The following SERINC5 variants were observed in gnomAD, a reference collection of about 807,000 sequenced individuals.
SERINC5 encodes serine incorporator 5.
In SERINC5, 41 loss-of-function variants were observed where a neutral mutation model predicts 63.1. That is an observed-to-expected ratio of 0.65 (90% CI 0.51 to 0.84). The LOEUF (loss-of-function observed/expected upper bound fraction) is 0.84, where lower values mean the gene tolerates loss of function less well. SERINC5 is among the 40% of genes least tolerant of loss of function. SERINC5 has a pLI of 0.00. For synonymous variants in SERINC5, 222 were observed against 215.2 expected (o/e 1.03, Z -0.28); for missense variants, 523 against 573.0 (o/e 0.91, Z 0.89).
intron 3 of SERINC5, 82 bp downstream of exon 3, chr5:80,177,804 C>T: frequency 9.3e-7 from 1 of 1,076,382 alleles, no homozygotes; most frequent in Non-Finnish European, 1.3e-6. Flanking sequence ...GTCACAGTGT[C>T]TGGTGGGCAG....
At chr5:80,219,800 A>G (rs1750818483) in intron 1 of SERINC5, among the ~76,000 whole-genome samples, 1 of 152,216 alleles carries the variant, frequency 6.6e-6, no homozygotes. Context: ...TATTTCTTCT[A>G]TCATCAACAG....
At chr5:80,171,352 C>CA (rs1169641268) in intron 5 of SERINC5, among the ~76,000 whole-genome samples, 1 of 152,046 alleles carries the variant, frequency 6.6e-6, no homozygotes, top group Non-Finnish European at 1.5e-5. Context: ...AAAACAGAAA[C>CA]AAAGTGTTGC....
intron 5 of SERINC5, 127 bp from the exon 6 acceptor site, chr5:80,169,673 C>T: frequency 1.5e-6 from 1 of 669,350 alleles, no homozygotes; most frequent in Non-Finnish European, 2.6e-6. Flanking sequence ...CACTGGTACC[C>T]AGCTGCTCAG....
At chr5:80,135,679 G>A (rs529200419), downstream of SERINC5, among the ~76,000 whole-genome samples, 367 of 152,154 alleles carry the variant, frequency 2.4e-3, 1 homozygote, top group Non-Finnish European at 4.1e-3. Context: ...CCATGACTTC[G>A]AAAAGCAGTT....
chr5:80,172,438 C>T (rs1747728913), intron 5 of SERINC5, among the ~76,000 whole-genome samples: 1 of 152,208 alleles, frequency 6.6e-6, no homozygotes. Flanking sequence ...GATTAAATTG[C>T]TCTTTGTAAC....
rs1017831186 is a variant in SERINC5, at chr5:80,241,468, AAAT to A, written c.27+14425_27+14427del. ...TGGTGACAGAGCAAGACTCCGTCTC[AAAT>A]AATAATAAGAAGAAGAAATAAAAAG... On this transcript the variant is annotated intron_variant, in intron 1 of 11. Coordinates refer to ENST00000507668, the MANE Select transcript of SERINC5 (RefSeq NM_001174072.3). Among the ~76,000 whole-genome samples the A allele has an allele frequency of 1.2e-3, 190 of 152,288 alleles. 2 individuals carry two copies. Among genetic ancestry groups the A allele is most frequent in the African/African-American group, 4.5e-3 (186 of 41,558 alleles).
In SERINC5 at chr5:80,169,383, G is replaced by T; in HGVS notation, c.715C>A (p.Leu239Met). ...NKILLGVNGG[L>M]CLLISLVAIS... ...GCTACCAATGATATAAGCAGGCACA[G>T]GCCTCCATTTACTCCCAGCAGAATT... Residue 239 changes from leucine (L) to methionine (M), a missense_variant, in exon 6 of 12, where the codon CTG (leucine) becomes ATG (methionine). Physicochemically the swap from Leu to Met is conservative, Grantham distance 15. Transcript: ENST00000507668. 6.2e-7 allele frequency: 1 copy of T among 1,614,006 alleles called. No individual in the cohort carries two copies.
rs1019072290 is a variant in SERINC5 at position 80,143,085 on chromosome 5, G to A, written c.*578C>T. ...TGATTCCCAGCATCACAACCTCAAA[G>A]GGAAACGTTTAGGGGCCGTGAAGAG... On this transcript the variant is annotated 3_prime_UTR_variant, in exon 12 of 12. Coordinates refer to ENST00000507668, the MANE Select transcript of SERINC5 (RefSeq NM_001174072.3). 1.2e-5 allele frequency: 12 copies of A among 985,274 alleles called. No individual in the cohort carries two copies. In the African/African-American group the frequency reaches 1.9e-4, roughly 16 times the overall value. 61.0% of individuals were successfully genotyped at this position (985,274 alleles called of 1,614,324 possible).
intron 2 of SERINC5, among the ~76,000 whole-genome samples, chr5:80,182,606 C>T (rs918292032): frequency 2.1e-5 from 3 of 141,436 alleles, no homozygotes; most frequent in Non-Finnish European, 3.1e-5. Flanking sequence ...AGTGCAGTGG[C>T]GCAATCTCGC....
At chr5:80,196,841 G>C (rs888134441) in intron 2 of SERINC5, among the ~76,000 whole-genome samples, 2 of 151,914 alleles carry the variant, frequency 1.3e-5, no homozygotes, top group Admixed American at 6.6e-5. Flanking sequence ...TCAGGAGGCC[G>C]AGGAAGGAGA....
At chr5:80,154,583 T>C (rs1266011108) in intron 8 of SERINC5, among the ~76,000 whole-genome samples, 1 of 151,946 alleles carries the variant, frequency 6.6e-6, no homozygotes. Context: ...GTGGGGAAGA[T>C]ACAAATTTCC....
chr5:80,241,916 G>A (rs545506364), intron 1 of SERINC5, among the ~76,000 whole-genome samples: 1 of 151,634 alleles, frequency 6.6e-6, no homozygotes, highest in East Asian at 2.0e-4. Context: ...TGGAGCCCAG[G>A]AGTTTGAGAC....
intron 1 of SERINC5, among the ~76,000 whole-genome samples, chr5:80,218,513 C>G (rs1022227470): frequency 6.6e-6 from 1 of 152,032 alleles, no homozygotes; most frequent in African/African-American, 2.4e-5. Context: ...GCACTCCAGC[C>G]TGGGCAACAA....
intron 2 of SERINC5, among the ~76,000 whole-genome samples, chr5:80,182,942 C>T (rs777589717): frequency 1.6e-4 from 25 of 152,182 alleles, no homozygotes; most frequent in South Asian, 4.1e-4. Flanking sequence ...TGGAAGGAAG[C>T]CATTTTTCCC....
Position 80,140,982 on chromosome 5 carries a change from GA to G in SERINC5, c.*2680del, listed in dbSNP as rs1745472867. On this transcript the variant is annotated 3_prime_UTR_variant, in exon 12 of 12. Transcript: ENST00000507668. ...AATCAAATTAACACCGTTGTTATAG[GA>G]ACTCAAAGCCATTGGCACAATGTTT... is the stretch of plus-strand genomic sequence containing the variant. 1.0e-6 allele frequency: 1 copy of G among 985,150 alleles called. No individual in the cohort carries two copies. The allele number at this position is 985,150 out of a possible 1,614,324, so 61.0% of individuals were successfully genotyped here.
rs530268262 is a variant in SERINC5 at position 80,169,334 on chromosome 5, C to T, written c.763+1G>A. 9 of 1,612,394 alleles carry T rather than the reference C, an allele frequency of 5.6e-6. No individual in the cohort carries two copies. The highest frequency in any genetic ancestry group is 1.1e-5 in the South Asian group (1 of 90,998). On this transcript the variant is annotated splice_donor_variant, in intron 6 of 11. Coordinates refer to ENST00000507668, the MANE Select transcript of SERINC5 (RefSeq NM_001174072.3). LOFTEE classifies it high-confidence loss of function. ...CGAAGAATGGAAAAAAACATGCTTA[C>T]GATTTTGGACCCAGGGTGAGATGGC...
rs2112278297 is a variant in SERINC5 at position 80,139,539 on chromosome 5, A to G, written c.*4124T>C. 1 of 984,966 alleles carries G rather than the reference A, an allele frequency of 1.0e-6. No homozygotes were observed. The highest frequency in any genetic ancestry group is 4.7e-5 in the South Asian group (1 of 21,286). 61.0% of individuals were successfully genotyped at this position (984,966 alleles called of 1,614,324 possible). On this transcript the variant is annotated 3_prime_UTR_variant, in exon 12 of 12. Coordinates refer to ENST00000507668, the MANE Select transcript of SERINC5 (RefSeq NM_001174072.3). ...AAAAAAAGCTCTTTGGTAAAGGCCA[A>G]ATATTTCAACCTTTCAAAATGACTG...
intron 11 of SERINC5, chr5:80,129,072 G>A (rs184537341): frequency 3.9e-5 from 6 of 152,290 alleles, no homozygotes; most frequent in Non-Finnish European, 8.8e-5. Context: ...GTCCACTCTT[G>A]GATCAATTAA....
chr5:80,130,379 CAA>C (rs58879386), intron 11 of SERINC5, among the ~76,000 whole-genome samples: 2 of 139,520 alleles, frequency 1.4e-5, no homozygotes, highest in Non-Finnish European at 3.1e-5. Context: ...GATTCCATCT[CAA>C]AAAAAAAAAA....
Sources: gnomAD v4.1 joint callset for allele counts (sites outside exome capture counted in the v4.1 genomes callset) on GRCh38, gnomAD v4.1.1 for gene constraint, MANE v1.5 for transcripts, NCBI Gene and HGNC (gene_info 2026-07-23, HGNC 2026-07-21) for gene names.